MAST2: variants seen among roughly 807,000 people sequenced by gnomAD.
MAST2 encodes the protein microtubule-associated serine/threonine-protein kinase 2.
Under a neutral mutation model 147.4 loss-of-function variants are expected in MAST2, and 70 were observed. The ratio of observed to expected loss-of-function variants is 0.47; its 90% CI spans 0.39 to 0.58. MAST2 has a LOEUF of 0.58. MAST2 is among the 20% of genes least tolerant of loss of function. The pLI is 0.00. For missense variants in MAST2, 2,080 were observed against 2,302.3 expected, an observed-to-expected ratio of 0.90 and a Z score of 1.98; for synonymous variants, 869 against 896.8, an observed-to-expected ratio of 0.97 and a Z score of 0.55.
chr1:45,851,168 G>C (rs1034274516), intron 3 of MAST2, among the ~76,000 whole-genome samples: 1 of 151,980 alleles, frequency 6.6e-6, no homozygotes, highest in African/African-American at 2.4e-5. Flanking sequence ...TCTCCTTGTT[G>C]AGATCTTTTA....
At chr1:46,018,246 T>A (rs1646040794) in intron 10 of MAST2, among the ~76,000 whole-genome samples, 1 of 152,168 alleles carries the variant, frequency 6.6e-6, no homozygotes, top group Non-Finnish European at 1.5e-5. Flanking sequence ...CTCTCTCTGA[T>A]GTCTTGCCAC....
rs542775765 is a variant in MAST2, at chr1:45,858,475, G to A, written c.469-23889G>A. On this transcript the variant is annotated intron_variant, in intron 3 of 28. Coordinates refer to ENST00000361297, the MANE Select transcript of MAST2 (RefSeq NM_015112.3). ...TGATGGGGTTGTTTGTTTTTTTCTT[G>A]TAAATTTGTTTGAGTTCTTTGTAGA... Among the ~76,000 whole-genome samples, 353 of 151,700 alleles carry A rather than the reference G, an allele frequency of 2.3e-3. 2 individuals are homozygous for A. The highest frequency in any genetic ancestry group is 3.9e-3 in the Non-Finnish European group (264 of 67,890).
At chr1:45,998,870 G>A (rs1571142641) in intron 6 of MAST2, among the ~76,000 whole-genome samples, 1 of 152,080 alleles carries the variant, frequency 6.6e-6, no homozygotes, top group African/African-American at 2.4e-5. Context: ...TGGGACTACA[G>A]GCGCCCGCCA....
intron 5 of MAST2, among the ~76,000 whole-genome samples, chr1:45,988,247 C>A (rs1009144134): frequency 1.3e-5 from 2 of 152,130 alleles, no homozygotes; most frequent in African/African-American, 4.8e-5. Flanking sequence ...TTCCTAGCCT[C>A]AAGGGATTCC....
intron 8 of MAST2, 147 bp downstream of exon 8, chr1:46,006,542 A>G (rs552922854): frequency 1.7e-6 from 1 of 572,746 alleles, no homozygotes; most frequent in African/African-American, 1.9e-5. Flanking sequence ...ACATTCCTCA[A>G]CTCTGCTGTT....
At chr1:45,985,477 C>A (rs1485845543) in intron 5 of MAST2, among the ~76,000 whole-genome samples, 1 of 152,198 alleles carries the variant, frequency 6.6e-6, no homozygotes, top group East Asian at 1.9e-4. Flanking sequence ...TAAAGTTTCC[C>A]TAGGTCCTTT....
At chr1:45,980,465 A>T (rs1644364029) in intron 5 of MAST2, among the ~76,000 whole-genome samples, 1 of 151,402 alleles carries the variant, frequency 6.6e-6, no homozygotes, top group African/African-American at 2.5e-5. Flanking sequence ...TCTAAAATAA[A>T]AGTTGAAATT....
intron 5 of MAST2, among the ~76,000 whole-genome samples, chr1:45,973,577 G>T (rs1644012090): frequency 6.6e-6 from 1 of 152,140 alleles, no homozygotes; most frequent in African/African-American, 2.4e-5. Flanking sequence ...CATATAAAAA[G>T]ATCTTAAATC....
At chr1:45,904,789 A>T (rs1375237096) in intron 4 of MAST2, among the ~76,000 whole-genome samples, 1 of 151,436 alleles carries the variant, frequency 6.6e-6, no homozygotes, top group Non-Finnish European at 1.5e-5. Flanking sequence ...TCTTGCTTTT[A>T]GTTTTTGTGT....
At position 46,035,519 on chromosome 1, in the gene MAST2, G is replaced by A. The variant is rs1187601056; in HGVS notation, c.4850G>A (p.Trp1617Ter). 6.2e-7 allele frequency: 1 copy of A among 1,613,342 alleles called. No homozygotes were observed. The change falls in exon 29 of 29, where the codon TGG becomes TAG. Residue 1617 changes from tryptophan to a stop codon, truncating the protein, a stop_gained. Coordinates refer to ENST00000361297, the MANE Select transcript of MAST2 (RefSeq NM_015112.3). LOFTEE classifies it low-confidence loss of function (END_TRUNC). This position sits in a 1 kb window ranked among gnomAD's most constrained non-coding sequence, Gnocchi z 5.5. ...ATDPIPPEGC[W>*]KAQHLHTQAL... Reference sequence around the variant, plus strand: ...GACCCCATCCCTCCTGAAGGTTGCTGGAAGGCCCAGCACCTCCACACCCAG... The same window carrying A: ...GACCCCATCCCTCCTGAAGGTTGCTAGAAGGCCCAGCACCTCCACACCCAG...
At chr1:45,953,785 G>T (rs369621798) in intron 4 of MAST2, among the ~76,000 whole-genome samples, 1 of 152,176 alleles carries the variant, frequency 6.6e-6, no homozygotes, top group East Asian at 1.9e-4. Flanking sequence ...CTCATATTAA[G>T]AACAGATTAG....
Position 46,031,123 on chromosome 1 carries a change from G to T in MAST2, c.2825G>T (p.Gly942Val). 1 of 1,611,204 alleles carries T rather than the reference G, an allele frequency of 6.2e-7. No homozygotes were observed. Among genetic ancestry groups the T allele is most frequent in the Non-Finnish European group, 8.5e-7 (1 of 1,178,108 alleles). The change falls in exon 23 of 29, where the codon GGC (glycine) becomes GTC (valine). Residue 942 changes from glycine to valine, a missense_variant. Transcript: ENST00000361297. The surrounding 1 kb of genome is among the most constrained non-coding windows in gnomAD (Gnocchi z 4.1). ...GLLDAPRFPEGPEEASSTLRR... is the reference protein window; with the variant it reads ...GLLDAPRFPEVPEEASSTLRR... ...CTGGATGCGCCTCGGTTCCCGGAGG[G>T]CCCTGAGGAGGCCAGCAGCACCCTC...
At chr1:45,967,895 T>A (rs1643666965) in intron 5 of MAST2, among the ~76,000 whole-genome samples, 1 of 152,194 alleles carries the variant, frequency 6.6e-6, no homozygotes, top group South Asian at 2.1e-4. Context: ...TGTCATTCAT[T>A]TCACTTATAT....
chr1:45,888,606 C>G (rs1265800830), intron 4 of MAST2, among the ~76,000 whole-genome samples: 1 of 150,512 alleles, frequency 6.6e-6, no homozygotes, highest in Admixed American at 6.7e-5. Flanking sequence ...TTGTGATCCA[C>G]CCACCTCGGC....
chr1:45,814,318 A>G (rs1331743732), intron 1 of MAST2, among the ~76,000 whole-genome samples: 1 of 152,148 alleles, frequency 6.6e-6, no homozygotes, highest in Non-Finnish European at 1.5e-5. Flanking sequence ...TGTCACCTCC[A>G]TTATTGCTCC....
At chr1:45,988,879 G>A (rs914548186) in intron 5 of MAST2, among the ~76,000 whole-genome samples, 24 of 151,966 alleles carry the variant, frequency 1.6e-4, no homozygotes, top group African/African-American at 5.3e-4. Context: ...TACTATCTGC[G>A]ATTATAAGAT....
chr1:45,998,368 C>T (rs913600018), intron 6 of MAST2, among the ~76,000 whole-genome samples: 8 of 152,228 alleles, frequency 5.3e-5, no homozygotes, highest in Admixed American at 2.0e-4. Context: ...CAGTCCTCCT[C>T]CCATGTTTCT....
At chr1:45,833,582 A>C (rs151327352) in intron 3 of MAST2, among the ~76,000 whole-genome samples, 95 of 152,278 alleles carry the variant, frequency 6.2e-4, no homozygotes, top group Middle Eastern at 3.4e-3. Context: ...AACTGTATTT[A>C]ATCATTTGAA....
intron 4 of MAST2, among the ~76,000 whole-genome samples, chr1:45,909,069 C>G (rs753699308): frequency 2.0e-5 from 3 of 152,180 alleles, no homozygotes; most frequent in Non-Finnish European, 4.4e-5. Context: ...TTAGTTCTCA[C>G]TGAAGACAAA....
Sources: allele counts gnomAD v4.1 joint callset (sites outside exome capture counted in the v4.1 genomes callset), GRCh38; gene constraint gnomAD v4.1.1; non-coding constraint Gnocchi (gnomAD v3.1); transcripts MANE v1.5; gene names NCBI Gene and HGNC (gene_info 2026-07-23, HGNC 2026-07-21).